GTF2E2: variants seen among roughly 807,000 people sequenced by gnomAD.
GTF2E2 encodes the protein general transcription factor IIE subunit 2, also known as transcription initiation factor IIE subunit beta.
A neutral mutation model predicts 40.5 loss-of-function variants in GTF2E2; 21 were observed. The ratio of observed to expected loss-of-function variants is 0.52; its 90% CI spans 0.37 to 0.75. The LOEUF (loss-of-function observed/expected upper bound fraction) is 0.75, where lower values mean the gene tolerates loss of function less well. GTF2E2 is among the 30% of genes least tolerant of loss of function. The pLI, the probability that GTF2E2 is intolerant of heterozygous loss-of-function variation, is 0.00. For synonymous variants in GTF2E2, 117 were observed against 121.6 expected, an observed-to-expected ratio of 0.96 and a Z score of 0.25; for missense variants, 298 against 338.4, an observed-to-expected ratio of 0.88 and a Z score of 0.94.
chr8:30,646,783 G>A (rs147550005), intron 2 of GTF2E2, among the ~76,000 whole-genome samples: 1,975 of 151,972 alleles, frequency 0.013, 51 homozygotes, highest in African/African-American at 0.044. Flanking sequence ...AGCTCAAGAC[G>A]AGCCTGGCCA....
intron 3 of GTF2E2, among the ~76,000 whole-genome samples, chr8:30,630,640 A>G (rs2979494): frequency 0.76 from 114,816 of 151,830 alleles, 43,825 homozygotes; most frequent in Middle Eastern, 0.8. Flanking sequence ...AAGTAATCTC[A>G]CCTCCATTCA....
intron 6 of GTF2E2, among the ~76,000 whole-genome samples, chr8:30,602,835 A>G (rs1405882759): frequency 6.6e-6 from 1 of 151,616 alleles, no homozygotes; most frequent in African/African-American, 2.4e-5. Flanking sequence ...CCTTCCCACA[A>G]TCTTTGTCTT....
chr8:30,636,857 T>TTA, intron 2 of GTF2E2: 1 of 295,562 alleles, frequency 3.4e-6, no homozygotes, highest in South Asian at 2.5e-5. Context: ...GTCTCAAAAT[T>TTA]AAAAAAAAAA....
At chr8:30,586,029 T>C (rs896172086) in intron 6 of GTF2E2, among the ~76,000 whole-genome samples, 5 of 152,146 alleles carry the variant, frequency 3.3e-5, no homozygotes, top group Non-Finnish European at 7.4e-5. Flanking sequence ...TGAGCTACAA[T>C]TGTGCCACTG....
At chr8:30,631,319 G>A (rs1162883528) in intron 3 of GTF2E2, among the ~76,000 whole-genome samples, 1 of 152,240 alleles carries the variant, frequency 6.6e-6, no homozygotes, top group Non-Finnish European at 1.5e-5. Context: ...GCTGGGCCGA[G>A]AATTTAAATA....
chr8:30,607,371 C>A (rs1228040001), intron 5 of GTF2E2, among the ~76,000 whole-genome samples: 2 of 152,124 alleles, frequency 1.3e-5, no homozygotes, highest in African/African-American at 4.8e-5. Flanking sequence ...CTCAACCTCC[C>A]AGGCTCAAGC....
rs918983720 is a variant in GTF2E2 at position 30,580,205 on chromosome 8, T to C, written c.759+76A>G. 7.9e-5 allele frequency: 65 copies of C among 819,000 alleles called. No individual in the cohort carries two copies. The South Asian group carries it at 9.8e-4, about 12-fold the overall frequency. The allele number at this position is 819,000 out of a possible 1,614,324, so 50.7% of individuals were successfully genotyped here. On this transcript the variant is annotated intron_variant, in intron 7 of 7. Coordinates refer to ENST00000355904, the MANE Select transcript of GTF2E2 (RefSeq NM_002095.6). Reference sequence around the variant, plus strand: ...ATGGCGGGGGAACAACTCCCAGCTCTTCAGAGGGCAGAAAGCGGAGCAGGC... The same window carrying C: ...ATGGCGGGGGAACAACTCCCAGCTCCTCAGAGGGCAGAAAGCGGAGCAGGC...
chr8:30,644,750 ATTT>A lies in GTF2E2; in HGVS notation c.166+8680_166+8682del, dbSNP rs5890531. Among the ~76,000 whole-genome samples, 372 of 141,468 alleles carry A rather than the reference ATTT, an allele frequency of 2.6e-3. 6 individuals are homozygous for A. The East Asian group carries it at 0.045, about 17-fold the overall frequency. 92.8% of individuals were successfully genotyped at this position (141,468 alleles called of 152,430 possible). On this transcript the variant is annotated intron_variant, in intron 2 of 7. Coordinates refer to ENST00000355904, the MANE Select transcript of GTF2E2 (RefSeq NM_002095.6). ...ATTAGCAGTTAATTTCGGTATATGA[ATTT>A]TTTTTTTTTTTTTTGAGAAACGGTT...
At chr8:30,609,291 G>C (rs1313682260) in intron 5 of GTF2E2, among the ~76,000 whole-genome samples, 10 of 145,968 alleles carry the variant, frequency 6.9e-5, no homozygotes, top group Admixed American at 6.8e-5. Context: ...GAGAAAGAAA[G>C]AAAGAAAGAA....
At chr8:30,628,900 C>CA (rs1253797872) in intron 3 of GTF2E2, among the ~76,000 whole-genome samples, 1 of 148,724 alleles carries the variant, frequency 6.7e-6, no homozygotes. Context: ...CACTGCACTC[C>CA]AGCCTGGGCA....
chr8:30,635,330 A>G (rs1585989569), intron 2 of GTF2E2, among the ~76,000 whole-genome samples: 1 of 152,286 alleles, frequency 6.6e-6, no homozygotes, highest in South Asian at 2.1e-4. Flanking sequence ...CAAAGTATAA[A>G]TAACTTAAAA....
chr8:30,644,216 A>G (rs1474199901), intron 2 of GTF2E2, among the ~76,000 whole-genome samples: 3 of 152,232 alleles, frequency 2.0e-5, no homozygotes, highest in African/African-American at 7.2e-5. Context: ...TACCAGGTCA[A>G]CAAGAGCTAA....
rs909575093 is a variant in GTF2E2 at position 30,645,516 on chromosome 8, C to T, written c.166+7917G>A. 7.8e-6 allele frequency: 12 copies of T among 1,535,556 alleles called. 1 individual carries two copies. Among genetic ancestry groups the T allele is most frequent in the South Asian group, 7.1e-5 (6 of 84,048 alleles). On this transcript the variant is annotated intron_variant, in intron 2 of 7. Transcript: ENST00000355904. ...GCTGCTGCTGTGTAAAAAACAAAAC[C>T]GTGAAAGACTTGAAAAGTGAACCCA...
At chr8:30,594,084 C>T (rs958794792) in intron 6 of GTF2E2, among the ~76,000 whole-genome samples, 1 of 151,974 alleles carries the variant, frequency 6.6e-6, no homozygotes. Flanking sequence ...GCGCATGCCA[C>T]CACACTCAGC....
At chr8:30,591,211 T>TG (rs2151112224) in intron 6 of GTF2E2, among the ~76,000 whole-genome samples, 1 of 152,294 alleles carries the variant, frequency 6.6e-6, no homozygotes, top group East Asian at 1.9e-4. Context: ...ATGGACCGGA[T>TG]GTGGTGGTTC....
chr8:30,588,126 T>C (rs950048815), intron 6 of GTF2E2, among the ~76,000 whole-genome samples: 1 of 152,142 alleles, frequency 6.6e-6, no homozygotes, highest in Non-Finnish European at 1.5e-5. Context: ...TTGGTGGAAA[T>C]GTAAATTGGT....
At chr8:30,626,358 G>T (rs531104686) in intron 3 of GTF2E2, among the ~76,000 whole-genome samples, 1 of 152,108 alleles carries the variant, frequency 6.6e-6, no homozygotes, top group African/African-American at 2.4e-5. Context: ...GGTGGCACAC[G>T]CCTGTAGTCC....
chr8:30,653,550 G>C lies in GTF2E2; in HGVS notation c.49C>G (p.Leu17Val). 1 of 1,612,906 alleles carries C rather than the reference G, an allele frequency of 6.2e-7. No homozygotes were observed. Among genetic ancestry groups the C allele is most frequent in the Non-Finnish European group, 8.5e-7 (1 of 1,179,010 alleles). Residue 17 changes from leucine to valine, a missense_variant, in exon 2 of 8, where the codon CTT (leucine) becomes GTT (valine). Coordinates refer to ENST00000355904, the MANE Select transcript of GTF2E2 (RefSeq NM_002095.6). ...RERELFKKRA[L>V]STPVVEKRSA... Reference sequence around the variant, plus strand: ...CGTTTTTCTACTACAGGAGTAGAAAGAGCTCGTTTTTTGAACAGCTCCCTT... The same window carrying C: ...CGTTTTTCTACTACAGGAGTAGAAACAGCTCGTTTTTTGAACAGCTCCCTT...
Position 30,650,733 on chromosome 8 carries a change from A to T in GTF2E2, c.166+2700T>A, listed in dbSNP as rs540733245. ...GCTGTCTCGAAAGAAAACAAACAAAAGGCTGGGTGCGGTGGCTCACGCCTG... is the reference window on the plus strand; with the variant it reads ...GCTGTCTCGAAAGAAAACAAACAAATGGCTGGGTGCGGTGGCTCACGCCTG... On this transcript the variant is annotated intron_variant, in intron 2 of 7. Coordinates refer to ENST00000355904, the MANE Select transcript of GTF2E2 (RefSeq NM_002095.6). Among the ~76,000 whole-genome samples the T allele has an allele frequency of 3.2e-4, 47 of 149,126 alleles. 1 individual carries two copies. Among genetic ancestry groups the T allele is most frequent in the African/African-American group, 1.2e-3 (47 of 40,364 alleles).
Sources: allele counts gnomAD v4.1 joint callset (sites outside exome capture counted in the v4.1 genomes callset), GRCh38; gene constraint gnomAD v4.1.1; transcripts MANE v1.5; gene names NCBI Gene and HGNC (gene_info 2026-07-23, HGNC 2026-07-21).